Variants in KATNIP observed in about 807,000 individuals in gnomAD.
KATNIP encodes katanin-interacting protein.
In KATNIP, 126 loss-of-function variants were observed where a neutral mutation model predicts 174.0. That is an observed-to-expected ratio of 0.72 (90% CI 0.63 to 0.84). The LOEUF (loss-of-function observed/expected upper bound fraction) is 0.84, where lower values mean the gene tolerates loss of function less well. Among genes scored for constraint, KATNIP ranks in the 40% least tolerant of loss-of-function variants. The pLI is 0.00. For missense variants in KATNIP, 1,958 were observed against 2,109.7 expected, an observed-to-expected ratio of 0.93 and a Z score of 1.41; for synonymous variants, 810 against 835.7, an observed-to-expected ratio of 0.97 and a Z score of 0.53.
intron 14 of KATNIP, among the ~76,000 whole-genome samples, chr16:27,731,732 C>T (rs1212123281): frequency 1.3e-5 from 2 of 152,088 alleles, no homozygotes; most frequent in African/African-American, 4.8e-5. Context: ...GATTCTCCTG[C>T]CTCAGCCTCC....
chr16:27,772,796 G>A (rs1377760584), intron 22 of KATNIP, among the ~76,000 whole-genome samples: 2 of 151,984 alleles, frequency 1.3e-5, no homozygotes, highest in Admixed American at 1.3e-4. Context: ...TGTCTCCTGG[G>A]GCCTAGAGGA....
At chr16:27,628,517 T>A in intron 3 of KATNIP, 144 bp from the exon 4 acceptor site, 1 of 860,434 alleles carries the variant, frequency 1.2e-6, no homozygotes, top group Non-Finnish European at 1.8e-6. Flanking sequence ...AGAGGCTGTT[T>A]GTAGACAAAC....
intron 5 of KATNIP, among the ~76,000 whole-genome samples, chr16:27,639,271 G>A (rs929143601): frequency 2.0e-5 from 3 of 152,216 alleles, no homozygotes; most frequent in African/African-American, 7.2e-5. Flanking sequence ...TCATGGCGAT[G>A]GCTGTGTTGG....
chr16:27,748,424 A>AAAAAAT (rs1214185633), intron 15 of KATNIP, among the ~76,000 whole-genome samples: 1 of 152,032 alleles, frequency 6.6e-6, no homozygotes, highest in East Asian at 1.9e-4. Context: ...ATCTCTACCA[A>AAAAAAT]AAAAATAAAA....
intron 8 of KATNIP, among the ~76,000 whole-genome samples, chr16:27,696,375 G>GT (rs1242184569): frequency 6.6e-6 from 1 of 152,050 alleles, no homozygotes; most frequent in Non-Finnish European, 1.5e-5. Flanking sequence ...AGGAATACAT[G>GT]TGCAGGTTTG....
chr16:27,557,484 T>C (rs1187116016), intron 1 of KATNIP, among the ~76,000 whole-genome samples: 1 of 148,456 alleles, frequency 6.7e-6, no homozygotes, highest in Non-Finnish European at 1.5e-5. Flanking sequence ...CAGGCTGGAG[T>C]GCAATGGTGA....
Position 27,773,234 on chromosome 16 carries a change from G to C in KATNIP, c.4309+25G>C, listed in dbSNP as rs376271525. The C allele has an allele frequency of 2.3e-5, 34 of 1,496,038 alleles. No homozygotes were observed. The African/African-American group carries it at 3.9e-4, about 17-fold the overall frequency. The allele number at this position is 1,496,038 out of a possible 1,614,324, so 92.7% of individuals were successfully genotyped here. A position where few individuals can be genotyped will look rare whatever the true frequency, so the allele number is the denominator to read the frequency against. On this transcript the variant is annotated intron_variant, in intron 23 of 27. Transcript: ENST00000261588. ...AGTATCCTTTGTAGGACAGGAGTGG[G>C]CTCCACCCAGACTGAAGGGAGCATG...
intron 21 of KATNIP, among the ~76,000 whole-genome samples, chr16:27,770,781 G>A (rs1237472956): frequency 6.6e-6 from 1 of 152,216 alleles, no homozygotes; most frequent in East Asian, 1.9e-4. Context: ...GACCTAGCCA[G>A]TATGATGCCC....
At chr16:27,720,124 C>T (rs2080154236) in intron 13 of KATNIP, among the ~76,000 whole-genome samples, 3 of 152,184 alleles carry the variant, frequency 2.0e-5, no homozygotes, top group African/African-American at 7.2e-5. Flanking sequence ...TTGTTTTTTC[C>T]TGGAGACGGA....
intron 5 of KATNIP, among the ~76,000 whole-genome samples, chr16:27,641,064 G>C (rs974688484): frequency 2.0e-5 from 3 of 152,010 alleles, no homozygotes; most frequent in African/African-American, 7.2e-5. Context: ...CCTGAACGCG[G>C]GAGGCAGAGG....
chr16:27,655,668 C>G (rs781270409), intron 6 of KATNIP, among the ~76,000 whole-genome samples: 8 of 152,126 alleles, frequency 5.3e-5, no homozygotes, highest in Non-Finnish European at 1.2e-4. Context: ...ATGTAACATC[C>G]ATCACGACGT....
In KATNIP at chr16:27,721,611, G is replaced by GA. The variant is rs2080246352; in HGVS notation, c.1659_1660insA (p.Phe554IlefsTer27). On this transcript the variant is annotated frameshift_variant, in exon 14 of 28. Transcript: ENST00000261588. LOFTEE classifies it high-confidence loss of function. ...GCCCCTTCCACCCACCACTCCAGCT[G>GA]TTTTTTGTTATTCGAAACACAAGAC... 6.2e-7 allele frequency: 1 copy of GA among 1,614,038 alleles called. No individual in the cohort carries two copies.
intron 6 of KATNIP, chr16:27,669,229 C>G (rs915914204): frequency 1.0e-6 from 1 of 968,584 alleles, no homozygotes. Flanking sequence ...CACTGACCAT[C>G]AAACCCCTGC....
At chr16:27,625,719 C>A (rs1346792964) in intron 3 of KATNIP, among the ~76,000 whole-genome samples, 1 of 151,964 alleles carries the variant, frequency 6.6e-6, no homozygotes, top group South Asian at 2.1e-4. Context: ...AATGCCACCA[C>A]CTTCCCTCAA....
At chr16:27,557,667 A>T (rs1306653403) in intron 1 of KATNIP, among the ~76,000 whole-genome samples, 2 of 151,782 alleles carry the variant, frequency 1.3e-5, no homozygotes, top group African/African-American at 4.8e-5. Flanking sequence ...AGCTCAAGTG[A>T]TCCTCCCACC....
intron 2 of KATNIP, among the ~76,000 whole-genome samples, chr16:27,605,376 A>G (rs997185729): frequency 6.6e-6 from 1 of 152,240 alleles, no homozygotes; most frequent in Non-Finnish European, 1.5e-5. Context: ...ATGATGTTTT[A>G]GATAGCTATG....
chr16:27,769,416 G>C (rs991604024), intron 20 of KATNIP, among the ~76,000 whole-genome samples: 15 of 152,360 alleles, frequency 9.8e-5, no homozygotes, highest in African/African-American at 3.6e-4. Context: ...TTTGTGCCAG[G>C]CTCTGTTTAG....
chr16:27,749,467 C>A, intron 15 of KATNIP, 117 bp from the exon 16 acceptor site: 1 of 1,236,568 alleles, frequency 8.1e-7, no homozygotes, highest in Non-Finnish European at 1.1e-6. Flanking sequence ...TTCTAGAGGG[C>A]TCCCCTGGAG....
At chr16:27,660,426 G>A (rs1336098108) in intron 6 of KATNIP, among the ~76,000 whole-genome samples, 9 of 152,248 alleles carry the variant, frequency 5.9e-5, no homozygotes, top group Non-Finnish European at 1.3e-4. Flanking sequence ...GCGCATGCCT[G>A]TAATCCCAGC....
Sources: gnomAD v4.1 joint callset for allele counts (sites outside exome capture counted in the v4.1 genomes callset) on GRCh38, gnomAD v4.1.1 for gene constraint, MANE v1.5 for transcripts, NCBI Gene and HGNC (gene_info 2026-07-23, HGNC 2026-07-21) for gene names.